Variants in STAU2 observed in about 807,000 individuals in gnomAD.
The protein encoded by STAU2 is double-stranded RNA-binding protein Staufen homolog 2.
A neutral mutation model predicts 65.9 loss-of-function variants in STAU2; 20 were observed. The ratio of observed to expected loss-of-function variants is 0.30; its 90% CI spans 0.21 to 0.44. The LOEUF (loss-of-function observed/expected upper bound fraction) is 0.44, where lower values mean the gene tolerates loss of function less well. STAU2 is among the 20% of genes least tolerant of loss of function. The probability of loss-of-function intolerance (pLI) is 1.00; values close to 1 mark genes in which losing one functional copy is unlikely to be tolerated. For missense variants in STAU2, 558 were observed against 683.9 expected (o/e 0.82, Z 2.05); for synonymous variants, 232 against 233.9 (o/e 0.99, Z 0.07).
At chr8:73,596,774 AG>A (rs1309390679) in intron 10 of STAU2, among the ~76,000 whole-genome samples, 1 of 152,154 alleles carries the variant, frequency 6.6e-6, no homozygotes, top group South Asian at 2.1e-4. Flanking sequence ...GCTTGAGCCC[AG>A]GAGTTCAGGG....
intron 13 of STAU2, chr8:73,511,645 G>T (rs796795180): frequency 3.3e-5 from 5 of 152,784 alleles, no homozygotes; most frequent in African/African-American, 9.6e-5. Context: ...CCACAACCAC[G>T]TCCCCCACTT....
chr8:73,661,604 C>G (rs894954725), intron 6 of STAU2, among the ~76,000 whole-genome samples: 1 of 152,150 alleles, frequency 6.6e-6, no homozygotes, highest in African/African-American at 2.4e-5. Flanking sequence ...AAATTCCCAG[C>G]CCCAAATCTA....
intron 9 of STAU2, among the ~76,000 whole-genome samples, chr8:73,604,536 A>C (rs1474040513): frequency 6.6e-6 from 1 of 152,120 alleles, no homozygotes; most frequent in African/African-American, 2.4e-5. Flanking sequence ...CGGCCACAAC[A>C]CACATAATTT....
intron 8 of STAU2, among the ~76,000 whole-genome samples, chr8:73,614,690 T>C (rs117493971): frequency 0.015 from 2,350 of 152,290 alleles, 29 homozygotes; most frequent in South Asian, 0.026. Flanking sequence ...TCATAATATA[T>C]TGATGTTCCC....
chr8:73,632,643 G>A (rs1386401558), intron 6 of STAU2, among the ~76,000 whole-genome samples: 4 of 152,142 alleles, frequency 2.6e-5, no homozygotes, highest in Non-Finnish European at 5.9e-5. Context: ...GAGTGATCAA[G>A]ACTGACAAGA....
chr8:73,477,412 A>T (rs1360867790), intron 13 of STAU2, among the ~76,000 whole-genome samples: 4 of 152,204 alleles, frequency 2.6e-5, no homozygotes, highest in Non-Finnish European at 5.9e-5. Flanking sequence ...AGAAAACATA[A>T]AACTTGTTCA....
chr8:73,655,776 G>A lies in STAU2; in HGVS notation c.410+17331C>T, dbSNP rs1363634975. Among the ~76,000 whole-genome samples the A allele has an allele frequency of 4.0e-5, 6 of 150,832 alleles. No homozygotes were observed. The Admixed American group carries it at 4.0e-4, about 10-fold the overall frequency. On this transcript the variant is annotated intron_variant, in intron 6 of 14. Transcript: ENST00000524300. ...CCATTCTCCTGCCTCAGCCTCCCGA[G>A]TAGCTGGGACTACAGGTGCCTGCCA... is the stretch of plus-strand genomic sequence containing the variant.
chr8:73,490,403 G>A (rs796863832), intron 13 of STAU2, among the ~76,000 whole-genome samples: 64 of 152,096 alleles, frequency 4.2e-4, no homozygotes, highest in African/African-American at 1.5e-3. Context: ...TTCTTTGCAT[G>A]TAATGAAATT....
At chr8:73,445,335 AT>A (rs1818412107) in intron 13 of STAU2, among the ~76,000 whole-genome samples, 1 of 152,140 alleles carries the variant, frequency 6.6e-6, no homozygotes, top group Non-Finnish European at 1.5e-5. Flanking sequence ...TCCCTTATTC[AT>A]TTTTTTATAC....
chr8:73,547,391 T>A (rs544648495), intron 13 of STAU2, among the ~76,000 whole-genome samples: 1 of 152,116 alleles, frequency 6.6e-6, no homozygotes, highest in Non-Finnish European at 1.5e-5. Flanking sequence ...AATGAGCTGA[T>A]CTACAATTCT....
intron 13 of STAU2, among the ~76,000 whole-genome samples, chr8:73,478,840 G>A (rs1207955540): frequency 6.6e-6 from 1 of 152,134 alleles, no homozygotes; most frequent in East Asian, 1.9e-4. Context: ...ATAGACAGGT[G>A]GGTAGATGGA....
Position 73,534,887 on chromosome 8 carries a change from T to G in STAU2, c.1530+17125A>C, listed in dbSNP as rs564571727. On this transcript the variant is annotated intron_variant, in intron 13 of 14. Transcript: ENST00000524300. ...TCACATTAATGCCTCTAAAGGGACATGGATAAATAAATGAATGAAATTACA... is the reference window on the plus strand; with the variant it reads ...TCACATTAATGCCTCTAAAGGGACAGGGATAAATAAATGAATGAAATTACA... Among the ~76,000 whole-genome samples, 3 of 152,346 alleles carry G rather than the reference T, an allele frequency of 2.0e-5. No homozygotes were observed. In the South Asian group the frequency reaches 6.2e-4, roughly 32 times the overall value.
At chr8:73,597,669 C>CAAAAAAAAA (rs34461371) in intron 10 of STAU2, among the ~76,000 whole-genome samples, 1 of 55,878 alleles carries the variant, frequency 1.8e-5, no homozygotes, top group Non-Finnish European at 3.1e-5. Flanking sequence ...GTCTCTGTCT[C>CAAAAAAAAA]AAAAAAAAAA....
At chr8:73,672,893 G>GGGTA (rs1817782911) in intron 6 of STAU2, 1 of 260,606 alleles carries the variant, frequency 3.8e-6, no homozygotes, top group African/African-American at 2.9e-5. Context: ...TACGTTTGTG[G>GGGTA]GGTAGGGGAA....
At chr8:73,598,647 T>G (rs1361647684) in intron 10 of STAU2, among the ~76,000 whole-genome samples, 10 of 152,164 alleles carry the variant, frequency 6.6e-5, no homozygotes, top group Non-Finnish European at 1.5e-4. Context: ...TGTTCCCTAT[T>G]ATTACTACTG....
chr8:73,554,547 G>C (rs1221791469), intron 12 of STAU2, among the ~76,000 whole-genome samples: 1 of 152,220 alleles, frequency 6.6e-6, no homozygotes. Flanking sequence ...GCCCTGCACT[G>C]TGAGGAGGGA....
intron 13 of STAU2, among the ~76,000 whole-genome samples, chr8:73,527,187 G>C (rs1805503800): frequency 1.3e-5 from 2 of 152,226 alleles, no homozygotes; most frequent in Admixed American, 6.5e-5. Flanking sequence ...GTGTGTGGTA[G>C]GCTCTAGTAT....
At chr8:73,449,499 GTTAGGGC>G (rs748945002) in intron 13 of STAU2, among the ~76,000 whole-genome samples, 45 of 152,204 alleles carry the variant, frequency 3.0e-4, no homozygotes, top group Non-Finnish European at 5.6e-4. Context: ...GGTACTGGGG[GTTAGGGC>G]TTCAACGGAT....
At chr8:73,650,340 A>T (rs1019110514) in intron 6 of STAU2, among the ~76,000 whole-genome samples, 5 of 152,154 alleles carry the variant, frequency 3.3e-5, no homozygotes, top group Non-Finnish European at 7.4e-5. Context: ...TAATTTTTTA[A>T]TAAAACAAAA....
Sources: gnomAD v4.1 joint callset for allele counts (sites outside exome capture counted in the v4.1 genomes callset) on GRCh38, gnomAD v4.1.1 for gene constraint, MANE v1.5 for transcripts, NCBI Gene and HGNC (gene_info 2026-07-23, HGNC 2026-07-21) for gene names.